The following MACROD2 variants were observed in gnomAD, a reference collection of about 807,000 sequenced individuals.
MACROD2 encodes the protein ADP-ribose glycohydrolase MACROD2.
MACROD2 carries 36 observed loss-of-function variants against 70.4 expected under a neutral mutation model. That is an observed-to-expected ratio of 0.51 (90% CI 0.39 to 0.68). The LOEUF (loss-of-function observed/expected upper bound fraction) is 0.68, where lower values mean the gene tolerates loss of function less well. Among genes scored for constraint, MACROD2 ranks in the 30% least tolerant of loss-of-function variants. The pLI is 0.00. For missense variants in MACROD2, 496 were observed against 538.4 expected (o/e 0.92, Z 0.78); for synonymous variants, 172 against 178.8 (o/e 0.96, Z 0.30).
At chr20:14,579,299 G>A (rs1042497849) in intron 4 of MACROD2, among the ~76,000 whole-genome samples, 64 of 150,940 alleles carry the variant, frequency 4.2e-4, no homozygotes, top group Non-Finnish European at 3.5e-4. Flanking sequence ...CCGCCACCGC[G>A]CCCGGCTAAT....
intron 8 of MACROD2, among the ~76,000 whole-genome samples, chr20:15,605,061 T>G (rs2048873731): frequency 1.3e-5 from 2 of 151,972 alleles, no homozygotes; most frequent in Admixed American, 1.3e-4. Context: ...TGATTTTTTT[T>G]GTTCTCTGAA....
rs1209287331 is a variant in MACROD2 at position 14,802,957 on chromosome 20, TC to T, written c.418+117999del. Among the ~76,000 whole-genome samples, 6 of 152,230 alleles carry T rather than the reference TC, an allele frequency of 3.9e-5. No homozygotes were observed. In the East Asian group the frequency reaches 9.6e-4, roughly 24 times the overall value. The stretch of plus-strand genomic sequence containing the variant: ...GATTCAATTTTTTATTAGTCATCTT[TC>T]ACCCGTTGCTTAACGTCAATGGCTC... On this transcript the variant is annotated intron_variant, in intron 5 of 17. Coordinates refer to ENST00000684519, the MANE Select transcript of MACROD2 (RefSeq NM_001351661.2).
intron 5 of MACROD2, among the ~76,000 whole-genome samples, chr20:15,029,027 G>A (rs2075254841): frequency 6.6e-6 from 1 of 152,124 alleles, no homozygotes; most frequent in Admixed American, 6.5e-5. Flanking sequence ...TAGGACTTCA[G>A]CTGGACAATG....
chr20:15,143,918 C>T (rs899408262), intron 5 of MACROD2, among the ~76,000 whole-genome samples: 11 of 147,844 alleles, frequency 7.4e-5, no homozygotes, highest in African/African-American at 2.8e-4. Flanking sequence ...ACATAAAATA[C>T]CCTAACACTA....
At chr20:15,324,237 A>G (rs962654492) in intron 6 of MACROD2, among the ~76,000 whole-genome samples, 2 of 152,074 alleles carry the variant, frequency 1.3e-5, no homozygotes, top group Admixed American at 6.6e-5. Context: ...GGCAAGTACA[A>G]TTTTCACATA....
At chr20:14,353,329 G>A (rs763075688) in intron 3 of MACROD2, among the ~76,000 whole-genome samples, 2 of 152,032 alleles carry the variant, frequency 1.3e-5, no homozygotes, top group Non-Finnish European at 2.9e-5. Context: ...TTATTTTAAT[G>A]ATAATTTATT....
chr20:15,154,212 C>T (rs1015237154), intron 5 of MACROD2, among the ~76,000 whole-genome samples: 1 of 152,126 alleles, frequency 6.6e-6, no homozygotes, highest in Non-Finnish European at 1.5e-5. Context: ...CAGTATAGCC[C>T]CTGCCACACT....
At chr20:14,413,963 G>C (rs1361230741) in intron 3 of MACROD2, among the ~76,000 whole-genome samples, 1 of 152,036 alleles carries the variant, frequency 6.6e-6, no homozygotes, top group Non-Finnish European at 1.5e-5. Context: ...TGACTTTTCA[G>C]TATTTGATCA....
At chr20:14,314,976 A>T (rs2082600708) in intron 3 of MACROD2, among the ~76,000 whole-genome samples, 1 of 152,194 alleles carries the variant, frequency 6.6e-6, no homozygotes, top group South Asian at 2.1e-4. Flanking sequence ...AAAACTGGAA[A>T]GCAAACCTAG....
intron 5 of MACROD2, among the ~76,000 whole-genome samples, chr20:15,152,083 T>C (rs202013027): frequency 1.3e-5 from 2 of 151,922 alleles, no homozygotes; most frequent in Non-Finnish European, 2.9e-5. Context: ...ACGTCAGGCA[T>C]CTCAGACCAT....
intron 5 of MACROD2, among the ~76,000 whole-genome samples, chr20:14,834,965 A>G (rs2073012759): frequency 6.6e-6 from 1 of 152,034 alleles, no homozygotes; most frequent in Admixed American, 6.6e-5. Flanking sequence ...CTCTCTATAT[A>G]TACATACATA....
At chr20:16,046,675 C>CTTTTTTTTT (rs557907668) in intron 17 of MACROD2, among the ~76,000 whole-genome samples, 1 of 85,500 alleles carries the variant, frequency 1.2e-5, no homozygotes, top group Non-Finnish European at 2.2e-5. Flanking sequence ...GGTGTCAAAA[C>CTTTTTTTTT]TTTTTTTTTT....
chr20:15,602,422 G>A (rs528391711), intron 8 of MACROD2, among the ~76,000 whole-genome samples: 8 of 152,212 alleles, frequency 5.3e-5, no homozygotes, highest in South Asian at 2.1e-4. Flanking sequence ...CTCCCTTCCC[G>A]TCTAAGGGTG....
chr20:14,809,800 A>G (rs897594250), intron 5 of MACROD2, among the ~76,000 whole-genome samples: 1 of 152,132 alleles, frequency 6.6e-6, no homozygotes, highest in Non-Finnish European at 1.5e-5. Context: ...AGAATAGTAT[A>G]AACACCTCTA....
chr20:15,206,784 C>T (rs113351909), intron 5 of MACROD2, among the ~76,000 whole-genome samples: 27 of 123,714 alleles, frequency 2.2e-4, no homozygotes, highest in African/African-American at 8.4e-4. Flanking sequence ...GGCCGGACTG[C>T]GGACTGCAGT....
At chr20:14,166,648 A>G (rs985453637) in intron 3 of MACROD2, among the ~76,000 whole-genome samples, 2 of 152,036 alleles carry the variant, frequency 1.3e-5, no homozygotes, top group Admixed American at 6.5e-5. Context: ...TTTCACTTTT[A>G]TCATTCTCCC....
At chr20:14,520,137 AAAT>A (rs1470395979) in intron 4 of MACROD2, among the ~76,000 whole-genome samples, 1 of 152,144 alleles carries the variant, frequency 6.6e-6, no homozygotes, top group African/African-American at 2.4e-5. Flanking sequence ...CTGGGTGGCT[AAAT>A]AACCTGTACA....
chr20:14,676,036 A>G (rs1459769808), intron 4 of MACROD2, among the ~76,000 whole-genome samples: 1 of 152,194 alleles, frequency 6.6e-6, no homozygotes, highest in Non-Finnish European at 1.5e-5. Context: ...AGGTGTGCCA[A>G]GGTTCATAAA....
rs1380828014 is a variant in MACROD2, at chr20:14,215,177, C to T, written c.271+129449C>T. Among the ~76,000 whole-genome samples, 4 of 149,444 alleles carry T rather than the reference C, an allele frequency of 2.7e-5. No individual in the cohort carries two copies. In the East Asian group the frequency reaches 7.8e-4, roughly 29 times the overall value. On this transcript the variant is annotated intron_variant, in intron 3 of 17. Transcript: ENST00000684519. Reference sequence around the variant, plus strand: ...ATATGTTCCATCATATATATATTTTCCATCATATATATTCCATCATATATA... The same window carrying T: ...ATATGTTCCATCATATATATATTTTTCATCATATATATTCCATCATATATA...
Sources: allele counts gnomAD v4.1 joint callset (sites outside exome capture counted in the v4.1 genomes callset), GRCh38; gene constraint gnomAD v4.1.1; transcripts MANE v1.5; gene names NCBI Gene and HGNC (gene_info 2026-07-23, HGNC 2026-07-21).